The following PCNX1 variants were observed in gnomAD, a reference collection of about 807,000 sequenced individuals.
The protein encoded by PCNX1 is pecanex-like protein 1.
In PCNX1, 78 loss-of-function variants were observed where a neutral mutation model predicts 242.2. The observed-to-expected ratio is 0.32, with a 90% CI of 0.27 to 0.39. The LOEUF is 0.39. Among genes scored for constraint, PCNX1 ranks in the 10% least tolerant of loss-of-function variants. The pLI is 1.00. For synonymous variants in PCNX1, 1,024 were observed against 1,032.9 expected, an observed-to-expected ratio of 0.99 and a Z score of 0.17; for missense variants, 2,581 against 2,856.5, an observed-to-expected ratio of 0.90 and a Z score of 2.20.
At chr14:71,080,746 T>C (rs1239015464) in intron 28 of PCNX1, among the ~76,000 whole-genome samples, 2 of 152,252 alleles carry the variant, frequency 1.3e-5, no homozygotes, top group Non-Finnish European at 2.9e-5. Flanking sequence ...TGAAGTTGCC[T>C]ATCAGCTTAA....
At chr14:71,011,762 A>G (rs2059827596) in intron 10 of PCNX1, 1 of 507,430 alleles carries the variant, frequency 2.0e-6, no homozygotes, top group Non-Finnish European at 3.5e-6. Flanking sequence ...AAACCCTGGC[A>G]TAGAGTATTT....
At chr14:71,022,822 CTGAA>C (rs1483781859) in intron 12 of PCNX1, among the ~76,000 whole-genome samples, 2 of 151,940 alleles carry the variant, frequency 1.3e-5, no homozygotes, top group East Asian at 1.9e-4. Context: ...TGTATATTTC[CTGAA>C]TGAATGATGT....
chr14:70,943,943 AGAAGCCAAGAATT>A (rs2057363411), intron 1 of PCNX1, among the ~76,000 whole-genome samples: 3 of 152,244 alleles, frequency 2.0e-5, no homozygotes, highest in Non-Finnish European at 2.9e-5. Context: ...GTGGATGCAC[AGAAGCCAAGAATT>A]GAGGTTTGGG....
chr14:71,109,525 G>T lies in PCNX1; in HGVS notation c.6818G>T (p.Gly2273Val), dbSNP rs753263653. 7 of 1,614,054 alleles carry T rather than the reference G, an allele frequency of 4.3e-6. No individual in the cohort carries two copies. Among genetic ancestry groups the T allele is most frequent in the Non-Finnish European group, 5.9e-6 (7 of 1,179,910 alleles). The change falls in exon 35 of 36, where the codon GGA becomes GTA. Residue 2273 changes from glycine to valine, a missense_variant. By Grantham distance (109) the Gly-to-Val change is moderately radical. This residue lies in a region of PCNX1 where 432 missense variants were observed against 433.6 expected (regional missense o/e 1.00). Transcript: ENST00000304743. Reference sequence around the variant, plus strand: ...AAAGAGCTACAGTGGCCTGATGAAGGAATCCGGTTAAAAGCTGGGAGAAAT... The same window carrying T: ...AAAGAGCTACAGTGGCCTGATGAAGTAATCCGGTTAAAAGCTGGGAGAAAT... The part of the protein sequence containing the change: ...KRKELQWPDE[G>V]IRLKAGRNSW...
Position 70,932,281 on chromosome 14 carries a change from T to G in PCNX1, c.154-14634T>G, listed in dbSNP as rs546963720. On this transcript the variant is annotated intron_variant, in intron 1 of 35. Transcript: ENST00000304743. ...AGCTTCCGGGGAGAGACAATTGTAT[T>G]TATTTGTTATACATTTATAGCTAAA... 1.3e-5 allele frequency among the ~76,000 whole-genome samples: 2 copies of G among 152,236 alleles called. 1 individual carries two copies. The highest frequency in any genetic ancestry group is 4.1e-4 in the South Asian group (2 of 4,832).
chr14:71,054,281 G>C (rs1005782481), intron 24 of PCNX1, among the ~76,000 whole-genome samples: 1 of 152,116 alleles, frequency 6.6e-6, no homozygotes, highest in Non-Finnish European at 1.5e-5. Context: ...TTTTACCCAT[G>C]CATAATTTTT....
At chr14:71,069,307 A>C (rs1418720439) in intron 26 of PCNX1, among the ~76,000 whole-genome samples, 1 of 152,228 alleles carries the variant, frequency 6.6e-6, no homozygotes, top group Non-Finnish European at 1.5e-5. Flanking sequence ...CTCTAAAAAA[A>C]TTGAACCATT....
rs899381643 is a variant in PCNX1, at chr14:71,105,165, G to A, written c.6096-70G>A. Reference sequence around the variant, plus strand: ...TAGCATTTGCAGTTCAGAATAGCTGGAAAAAGAATAAAATACCCATTTTGA... The same window carrying A: ...TAGCATTTGCAGTTCAGAATAGCTGAAAAAAGAATAAAATACCCATTTTGA... On this transcript the variant is annotated intron_variant, in intron 32 of 35. Coordinates refer to ENST00000304743, the MANE Select transcript of PCNX1 (RefSeq NM_014982.3). 7.6e-6 allele frequency: 9 copies of A among 1,191,166 alleles called. No homozygotes were observed. The African/African-American group carries it at 1.3e-4, about 18-fold the overall frequency. The allele number at this position is 1,191,166 out of a possible 1,614,324, so 73.8% of individuals were successfully genotyped here.
intron 8 of PCNX1, among the ~76,000 whole-genome samples, chr14:71,000,607 A>G (rs1416817064): frequency 6.7e-6 from 1 of 149,268 alleles, no homozygotes; most frequent in Non-Finnish European, 1.5e-5. Flanking sequence ...GCTCACTGCA[A>G]CCTCCGCCTC....
At chr14:71,015,167 T>C (rs2059928440) in intron 11 of PCNX1, among the ~76,000 whole-genome samples, 1 of 152,156 alleles carries the variant, frequency 6.6e-6, no homozygotes, top group Non-Finnish European at 1.5e-5. Context: ...GGAAGAATTC[T>C]TATGAGCAGA....
intron 6 of PCNX1, among the ~76,000 whole-genome samples, chr14:70,985,785 AT>A (rs1195688857): frequency 1.3e-5 from 2 of 152,200 alleles, no homozygotes; most frequent in African/African-American, 4.8e-5. Flanking sequence ...TTACTATTGA[AT>A]TAATTTCATT....
At chr14:71,022,068 A>G (rs547233563) in intron 12 of PCNX1, among the ~76,000 whole-genome samples, 1 of 152,154 alleles carries the variant, frequency 6.6e-6, no homozygotes, top group South Asian at 2.1e-4. Flanking sequence ...CTCCTGGTTA[A>G]TTTTTCTTTC....
At position 71,089,255 on chromosome 14, in the gene PCNX1, A is replaced by G; in HGVS notation, c.5502A>G (p.Ser1834=). Residue 1834 remains serine, a synonymous_variant, in exon 30 of 36, where the codon TCA becomes TCG. Coordinates refer to ENST00000304743, the MANE Select transcript of PCNX1 (RefSeq NM_014982.3). The part of the protein sequence containing the change: ...ALFKGDFRIS[S]IRDEWIFADM... Reference sequence around the variant, plus strand: ...TTAAAGGAGATTTCCGTATTTCTTCAATTCGAGATGAATGGATCTTTGCTG... The same window carrying G: ...TTAAAGGAGATTTCCGTATTTCTTCGATTCGAGATGAATGGATCTTTGCTG... The G allele has an allele frequency of 6.2e-7, 1 of 1,610,892 alleles. No homozygotes were observed. Among genetic ancestry groups the G allele is most frequent in the Non-Finnish European group, 8.5e-7 (1 of 1,177,154 alleles).
At chr14:71,055,395 A>G (rs1247395534) in intron 24 of PCNX1, 109 bp from the exon 25 acceptor site, 6 of 639,548 alleles carry the variant, frequency 9.4e-6, no homozygotes, top group Non-Finnish European at 1.4e-5. Context: ...AGATTTTCAT[A>G]AAGTGATAAC....
chr14:70,965,377 C>G (rs1404141424), intron 3 of PCNX1: 3 of 151,748 alleles, frequency 2.0e-5, no homozygotes, highest in African/African-American at 7.3e-5. Context: ...TATATGTTAC[C>G]AAGGGGCCAG....
chr14:71,001,185 T>C (rs2140403482), intron 8 of PCNX1, among the ~76,000 whole-genome samples: 1 of 152,310 alleles, frequency 6.6e-6, no homozygotes, highest in South Asian at 2.1e-4. Flanking sequence ...GTCTTCACAC[T>C]GTTTCCTGAT....
intron 1 of PCNX1, among the ~76,000 whole-genome samples, chr14:70,933,085 A>G (rs1384917593): frequency 1.3e-5 from 2 of 152,238 alleles, no homozygotes; most frequent in African/African-American, 2.4e-5. Context: ...AAAATTAATT[A>G]TAATTATTTT....
intron 19 of PCNX1, among the ~76,000 whole-genome samples, chr14:71,041,818 C>CTA (rs1555367568): frequency 2.1e-5 from 3 of 142,730 alleles, no homozygotes; most frequent in Non-Finnish European, 4.6e-5. Flanking sequence ...CTATACTATA[C>CTA]TATACTATAC....
chr14:71,073,341 T>G (rs2061633518), intron 26 of PCNX1, among the ~76,000 whole-genome samples: 1 of 152,224 alleles, frequency 6.6e-6, no homozygotes. Context: ...TAATGCACAT[T>G]GTGTTTTTGC....
Sources: gnomAD v4.1 joint callset for allele counts (sites outside exome capture counted in the v4.1 genomes callset) on GRCh38, gnomAD v4.1.1 for gene constraint, gnomAD v4.1.1 regional missense constraint, MANE v1.5 for transcripts, NCBI Gene and HGNC (gene_info 2026-07-23, HGNC 2026-07-21) for gene names.